RPSA2: variants seen among roughly 807,000 people sequenced by gnomAD.
RPSA2 encodes ribosomal protein SA 2, also known as small ribosomal subunit protein uS2B.
chr19:23,775,367 C>T, the RPSA2 span, among the ~76,000 whole-genome samples: 1 of 152,126 alleles, frequency 6.6e-6, no homozygotes, highest in Non-Finnish European at 1.5e-5. Context: ...TGGCAACTCT[C>T]ATATCTGGAC....
At chr19:23,863,795 T>C in the RPSA2 span, among the ~76,000 whole-genome samples, 1 of 152,178 alleles carries the variant, frequency 6.6e-6, no homozygotes, top group African/African-American at 2.4e-5. Flanking sequence ...CATAAGAATT[T>C]GACTAGTGTT....
At chr19:23,783,417 C>G in the RPSA2 span, among the ~76,000 whole-genome samples, 1 of 152,084 alleles carries the variant, frequency 6.6e-6, no homozygotes, top group African/African-American at 2.4e-5. Context: ...TTCAACATAT[C>G]TCTGGGTCCA....
At chr19:23,858,479 T>A in the RPSA2 span, among the ~76,000 whole-genome samples, 1 of 152,330 alleles carries the variant, frequency 6.6e-6, no homozygotes, top group East Asian at 1.9e-4. Context: ...ATGTTTCCCA[T>A]GACATTAACT....
the RPSA2 span, among the ~76,000 whole-genome samples, chr19:23,854,994 G>C: frequency 6.6e-6 from 1 of 152,116 alleles, no homozygotes; most frequent in Non-Finnish European, 1.5e-5. Context: ...ACAGATTTTT[G>C]AACAGCATCT....
At chr19:23,861,532 C>T in the RPSA2 span, among the ~76,000 whole-genome samples, 3 of 152,132 alleles carry the variant, frequency 2.0e-5, no homozygotes, top group African/African-American at 4.8e-5. Context: ...AAATTTCATC[C>T]TTGGCAGTAT....
the RPSA2 span, among the ~76,000 whole-genome samples, chr19:23,776,938 A>G: frequency 2.0e-5 from 3 of 152,226 alleles, no homozygotes; most frequent in South Asian, 2.1e-4. Flanking sequence ...CATTGTCACA[A>G]GTTTCTGGGC....
At chr19:23,785,754 G>T in the RPSA2 span, among the ~76,000 whole-genome samples, 1 of 152,094 alleles carries the variant, frequency 6.6e-6, no homozygotes, top group African/African-American at 2.4e-5. Context: ...AATATATTTT[G>T]GTCTAGCTCA....
chr19:23,822,818 T>TCTATCTCCTCCGGTGGTTC, the RPSA2 span, among the ~76,000 whole-genome samples: 1 of 152,142 alleles, frequency 6.6e-6, no homozygotes, highest in African/African-American at 2.4e-5. Context: ...AGGAGGGGTT[T>TCTATCTCCTCCGGTGGTTC]CTATCTCCTC....
the RPSA2 span, among the ~76,000 whole-genome samples, chr19:23,858,355 C>T: frequency 1.3e-5 from 2 of 152,014 alleles, no homozygotes; most frequent in South Asian, 4.2e-4. Context: ...CACCACTATG[C>T]AATCTATGCA....
chr19:23,836,894 A>G, the RPSA2 span, among the ~76,000 whole-genome samples: 30 of 152,108 alleles, frequency 2.0e-4, no homozygotes, highest in African/African-American at 7.2e-4. Flanking sequence ...CCTTTGTCAG[A>G]TGTATAGATT....
the RPSA2 span, chr19:23,790,666 C>A: frequency 2.7e-6 from 1 of 368,068 alleles, no homozygotes; most frequent in Non-Finnish European, 5.2e-6. Flanking sequence ...GTGTCGTCTT[C>A]ACTGCTCTGT....
At chr19:23,808,716 C>T in the RPSA2 span, 1 of 693,276 alleles carries the variant, frequency 1.4e-6, no homozygotes, top group South Asian at 1.4e-5. Flanking sequence ...TTTAATAAAA[C>T]AGGTATTACT....
the RPSA2 span, among the ~76,000 whole-genome samples, chr19:23,815,600 C>T: frequency 2.6e-5 from 4 of 152,148 alleles, no homozygotes; most frequent in Non-Finnish European, 4.4e-5. Context: ...GGATTGTGAG[C>T]CATATAATCT....
At chr19:23,800,857 C>A in the RPSA2 span, among the ~76,000 whole-genome samples, 1 of 152,306 alleles carries the variant, frequency 6.6e-6, no homozygotes, top group South Asian at 2.1e-4. Context: ...AGGTGATCCA[C>A]CCACCTTAGC....
chr19:23,821,234 T>C, the RPSA2 span, among the ~76,000 whole-genome samples: 1 of 152,180 alleles, frequency 6.6e-6, no homozygotes, highest in Admixed American at 6.5e-5. Flanking sequence ...CCCATGCCAG[T>C]AGGGCTGTGG....
the RPSA2 span, among the ~76,000 whole-genome samples, chr19:23,764,164 T>C: frequency 6.6e-6 from 1 of 152,188 alleles, no homozygotes; most frequent in Non-Finnish European, 1.5e-5. Flanking sequence ...TTCCTGCTTT[T>C]TAATTACTTT....
chr19:23,844,561 AT>A, the RPSA2 span, among the ~76,000 whole-genome samples: 2 of 152,100 alleles, frequency 1.3e-5, no homozygotes, highest in Non-Finnish European at 2.9e-5. Flanking sequence ...AGTTTGAGTT[AT>A]TTGTAAATTC....
chr19:23,830,455 C>A, the RPSA2 span, among the ~76,000 whole-genome samples: 1 of 152,174 alleles, frequency 6.6e-6, no homozygotes, highest in Non-Finnish European at 1.5e-5. Context: ...TGGCACATCA[C>A]TTTTATCTTG....
the RPSA2 span, chr19:23,790,665 T>G: frequency 2.7e-6 from 1 of 366,570 alleles, no homozygotes; most frequent in Middle Eastern, 3.9e-4. Context: ...GGTGTCGTCT[T>G]CACTGCTCTG....
Sources: gnomAD v4.1 joint callset for allele counts (sites outside exome capture counted in the v4.1 genomes callset) on GRCh38, gnomAD v4.1.1 for gene constraint, MANE v1.5 for transcripts, NCBI Gene and HGNC (gene_info 2026-07-23, HGNC 2026-07-21) for gene names.